The following XPO4 variants were observed in gnomAD, a reference collection of about 807,000 sequenced individuals.
XPO4 encodes exportin-4.
Under a neutral mutation model 143.0 loss-of-function variants are expected in XPO4, and 39 were observed. The observed-to-expected ratio is 0.27, with a 90% CI of 0.21 to 0.36. The LOEUF (loss-of-function observed/expected upper bound fraction) is 0.36. XPO4 is among the 10% of genes least tolerant of loss of function. XPO4 has a pLI of 1.00. For missense variants in XPO4, 907 were observed against 1,348.0 expected, an observed-to-expected ratio of 0.67 and a Z score of 5.12; for synonymous variants, 439 against 474.0, an observed-to-expected ratio of 0.93 and a Z score of 0.96.
intron 13 of XPO4, 138 bp from the exon 14 acceptor site, chr13:20,801,128 A>G: frequency 2.1e-6 from 2 of 936,720 alleles, no homozygotes; most frequent in South Asian, 1.6e-5. Flanking sequence ...TTTCATCTAC[A>G]GAGTTTTAGA....
intron 4 of XPO4, among the ~76,000 whole-genome samples, chr13:20,844,148 C>T (rs1209058967): frequency 6.6e-6 from 1 of 152,166 alleles, no homozygotes; most frequent in Non-Finnish European, 1.5e-5. Flanking sequence ...TCAGGACACA[C>T]TGTTCCTACT....
intron 9 of XPO4, among the ~76,000 whole-genome samples, chr13:20,812,180 G>A (rs767194592): frequency 1.6e-4 from 24 of 152,044 alleles, no homozygotes; most frequent in Non-Finnish European, 3.2e-4. Context: ...AGACCAGCCT[G>A]GCCAACATGA....
At chr13:20,799,401 A>G in intron 15 of XPO4, 62 bp from the exon 16 acceptor site, 7 of 1,333,070 alleles carry the variant, frequency 5.3e-6, no homozygotes, top group Non-Finnish European at 7.1e-6. Flanking sequence ...ACACATACAC[A>G]TATACACACA....
chr13:20,800,489 C>T lies in XPO4; in HGVS notation c.1978-164G>A, dbSNP rs115301464. Among the ~76,000 whole-genome samples the T allele has an allele frequency of 9.7e-3, 1,472 of 152,134 alleles. 25 individuals are homozygous for T. The highest frequency in any genetic ancestry group is 0.034 in the African/African-American group (1,417 of 41,484). ...TTCCACTGGTCAAAAAAAAAGACAT[C>T]CTCAATCCACTCACATTTTCCAGTG... On this transcript the variant is annotated intron_variant, in intron 14 of 22. Coordinates refer to ENST00000255305, the MANE Select transcript of XPO4 (RefSeq NM_022459.5).
intron 9 of XPO4, among the ~76,000 whole-genome samples, chr13:20,816,546 T>C (rs905293221): frequency 9.2e-5 from 14 of 152,260 alleles, no homozygotes; most frequent in Admixed American, 1.3e-4. Context: ...GAAATGGATT[T>C]AGTAGACAAG....
At chr13:20,858,984 T>C (rs2060171069) in intron 3 of XPO4, among the ~76,000 whole-genome samples, 1 of 151,496 alleles carries the variant, frequency 6.6e-6, no homozygotes. Context: ...TACAATCAAC[T>C]CTACAATCAA....
chr13:20,882,985 A>ACT (rs2138162575), intron 1 of XPO4, among the ~76,000 whole-genome samples: 1 of 151,568 alleles, frequency 6.6e-6, no homozygotes, highest in African/African-American at 2.4e-5. Context: ...ACACCACATG[A>ACT]CTCAGGCTTC....
intron 1 of XPO4, among the ~76,000 whole-genome samples, chr13:20,882,018 G>A (rs747352593): frequency 1.1e-4 from 16 of 150,862 alleles, no homozygotes; most frequent in Non-Finnish European, 1.3e-4. Context: ...GCTGAGACAG[G>A]AGAATCGCTT....
intron 13 of XPO4, among the ~76,000 whole-genome samples, chr13:20,806,033 A>G (rs569513281): frequency 6.6e-6 from 1 of 152,306 alleles, no homozygotes; most frequent in South Asian, 2.1e-4. Context: ...AAATACAAGG[A>G]AAGCATTCCT....
At chr13:20,855,804 A>G (rs1206724562) in intron 3 of XPO4, 39 bp from the exon 4 acceptor site, 3 of 1,538,792 alleles carry the variant, frequency 1.9e-6, no homozygotes, top group South Asian at 2.6e-5. Context: ...ATTTACCTAA[A>G]TCTAATACAA....
intron 1 of XPO4, chr13:20,879,193 A>G: frequency 2.0e-6 from 2 of 985,386 alleles, no homozygotes; most frequent in Non-Finnish European, 2.4e-6. Flanking sequence ...GCCAGGGCCC[A>G]TCTCAGGTAG....
chr13:20,811,652 A>G (rs1217196522), intron 9 of XPO4, among the ~76,000 whole-genome samples: 1 of 152,168 alleles, frequency 6.6e-6, no homozygotes, highest in African/African-American at 2.4e-5. Flanking sequence ...GCCATGGACC[A>G]GGGGAGAGAT....
At chr13:20,896,402 T>C (rs1478185290) in intron 1 of XPO4, among the ~76,000 whole-genome samples, 2 of 152,212 alleles carry the variant, frequency 1.3e-5, no homozygotes, top group African/African-American at 2.4e-5. Flanking sequence ...AATTCAGCTC[T>C]TTTATATTCT....
chr13:20,820,894 C>G (rs139772207), intron 9 of XPO4, among the ~76,000 whole-genome samples: 1 of 152,166 alleles, frequency 6.6e-6, no homozygotes, highest in East Asian at 1.9e-4. Context: ...TATCTACATT[C>G]TTTTTCCTCT....
At chr13:20,825,212 A>G (rs572664564) in intron 7 of XPO4, among the ~76,000 whole-genome samples, 2 of 152,328 alleles carry the variant, frequency 1.3e-5, no homozygotes, top group East Asian at 1.9e-4. Flanking sequence ...GTAAACTTCT[A>G]TAGGGCAGAA....
At chr13:20,847,110 A>G (rs572240798) in intron 4 of XPO4, among the ~76,000 whole-genome samples, 44 of 152,210 alleles carry the variant, frequency 2.9e-4, no homozygotes, top group Non-Finnish European at 5.4e-4. Context: ...ACCATCATAA[A>G]TATTAATCAT....
chr13:20,866,394 CA>C (rs1325833693), intron 2 of XPO4: 1 of 983,576 alleles, frequency 1.0e-6, no homozygotes, highest in Non-Finnish European at 1.2e-6. Context: ...AGGGAAGCAT[CA>C]AAGAAAGTCT....
At chr13:20,902,113 G>T (rs1250136916) in intron 1 of XPO4, 1 of 985,254 alleles carries the variant, frequency 1.0e-6, no homozygotes, top group Non-Finnish European at 1.2e-6. Flanking sequence ...TGGTCTCAAC[G>T]ATTCCCCTCC....
intron 7 of XPO4, 73 bp from the exon 8 acceptor site, chr13:20,822,362 T>C: frequency 7.4e-7 from 1 of 1,342,416 alleles, no homozygotes; most frequent in Non-Finnish European, 1.0e-6. Context: ...CCATGCCGAA[T>C]GAGGTAAGAC....
Sources: allele counts gnomAD v4.1 joint callset (sites outside exome capture counted in the v4.1 genomes callset), GRCh38; gene constraint gnomAD v4.1.1; transcripts MANE v1.5; gene names NCBI Gene and HGNC (gene_info 2026-07-23, HGNC 2026-07-21).